Variants in WDR49 observed in about 807,000 individuals in gnomAD.
The protein encoded by WDR49 is cilia- and flagella-associated protein 337.
WDR49 carries 107 observed loss-of-function variants against 119.5 expected under a neutral mutation model. The observed-to-expected ratio is 0.90, with a 90% CI of 0.77 to 1.05. The LOEUF (loss-of-function observed/expected upper bound fraction) is 1.05, where lower values mean the gene tolerates loss of function less well. WDR49 is among the 50% of genes least tolerant of loss of function. The probability of loss-of-function intolerance (pLI) is 0.00; values close to 1 mark genes in which losing one functional copy is unlikely to be tolerated. For missense variants in WDR49, 1,240 were observed against 1,220.5 expected (o/e 1.02, Z -0.24); for synonymous variants, 425 against 418.8 (o/e 1.01, Z -0.18).
intron 8 of WDR49, among the ~76,000 whole-genome samples, chr3:167,564,794 C>G (rs1713494991): frequency 6.6e-6 from 1 of 152,108 alleles, no homozygotes; most frequent in South Asian, 2.1e-4. Flanking sequence ...GCTAATCAGA[C>G]AATTCTAAGA....
At chr3:167,613,894 G>A (rs984807314) in intron 5 of WDR49, among the ~76,000 whole-genome samples, 1 of 150,070 alleles carries the variant, frequency 6.7e-6, no homozygotes, top group Non-Finnish European at 1.5e-5. Flanking sequence ...GCAGTGAGCC[G>A]AGATCATGCC....
chr3:167,607,921 G>A (rs1402422356), intron 5 of WDR49, among the ~76,000 whole-genome samples: 2 of 151,994 alleles, frequency 1.3e-5, no homozygotes, highest in Non-Finnish European at 2.9e-5. Context: ...AAAAGGGAGG[G>A]AGGGAGGAAA....
intron 9 of WDR49, among the ~76,000 whole-genome samples, chr3:167,558,770 G>C (rs927317262): frequency 4.6e-5 from 7 of 152,134 alleles, no homozygotes; most frequent in African/African-American, 1.7e-4. Flanking sequence ...CCTTACCCTA[G>C]ATTCTATACC....
At position 167,541,601 on chromosome 3, in the gene WDR49, C is replaced by G. The variant is rs576140455; in HGVS notation, c.1824-4601G>C. ...AGCAGAACCTCCTTAAAGCACAAAT[C>G]TCACAGAGCCTATGAAACAATAACA... On this transcript the variant is annotated intron_variant, in intron 10 of 18. Coordinates refer to ENST00000682715, the MANE Select transcript of WDR49 (RefSeq NM_001366157.1). Among the ~76,000 whole-genome samples, 4 of 152,192 alleles carry G rather than the reference C, an allele frequency of 2.6e-5. No homozygotes were observed. In the South Asian group the frequency reaches 8.3e-4, roughly 32 times the overall value.
chr3:167,554,094 CACAGA>C (rs1712759561), intron 10 of WDR49, among the ~76,000 whole-genome samples: 1 of 151,730 alleles, frequency 6.6e-6, no homozygotes, highest in Non-Finnish European at 1.5e-5. Context: ...TCTACAGTGC[CACAGA>C]ACTGTTTATG....
chr3:167,497,074 C>T (rs1255507522), intron 18 of WDR49, among the ~76,000 whole-genome samples: 1 of 152,162 alleles, frequency 6.6e-6, no homozygotes, highest in Non-Finnish European at 1.5e-5. Flanking sequence ...CCTACTCATC[C>T]TTTAAGTCCC....
intron 7 of WDR49, among the ~76,000 whole-genome samples, chr3:167,588,704 A>C (rs1339539103): frequency 1.3e-5 from 2 of 152,088 alleles, no homozygotes; most frequent in Non-Finnish European, 2.9e-5. Flanking sequence ...AATATCGAGC[A>C]CCTTTTCATA....
intron 10 of WDR49, among the ~76,000 whole-genome samples, chr3:167,550,216 TC>T (rs1408140448): frequency 1.3e-5 from 2 of 152,160 alleles, no homozygotes; most frequent in African/African-American, 4.8e-5. Flanking sequence ...AGTAGTTTTT[TC>T]CAATTCTGTG....
At chr3:167,535,185 G>T (rs1295878723) in intron 11 of WDR49, among the ~76,000 whole-genome samples, 2 of 152,100 alleles carry the variant, frequency 1.3e-5, no homozygotes, top group Admixed American at 6.6e-5. Context: ...CCAGGCACAG[G>T]AGCTGATGAT....
chr3:167,594,323 T>G (rs1409987290), intron 7 of WDR49, among the ~76,000 whole-genome samples: 2 of 152,188 alleles, frequency 1.3e-5, no homozygotes, highest in African/African-American at 4.8e-5. Context: ...CATGCTGAGG[T>G]GGTCTCAGAT....
At chr3:167,553,579 T>C (rs893453088) in intron 10 of WDR49, among the ~76,000 whole-genome samples, 1 of 152,132 alleles carries the variant, frequency 6.6e-6, no homozygotes, top group African/African-American at 2.4e-5. Context: ...AAACTTAAAT[T>C]GGATCAGCTG....
chr3:167,505,979 G>A (rs1751755221), intron 16 of WDR49, among the ~76,000 whole-genome samples: 1 of 152,134 alleles, frequency 6.6e-6, no homozygotes, highest in South Asian at 2.1e-4. Flanking sequence ...AATCTTGTGA[G>A]AAAATAGAAA....
intron 16 of WDR49, among the ~76,000 whole-genome samples, chr3:167,521,312 C>T (rs771134479): frequency 4.5e-4 from 68 of 152,072 alleles, no homozygotes; most frequent in Non-Finnish European, 8.2e-4. Context: ...ATGCAGAGAT[C>T]CCTCAGTGGG....
At chr3:167,497,666 C>T (rs1751407067) in intron 18 of WDR49, among the ~76,000 whole-genome samples, 1 of 152,112 alleles carries the variant, frequency 6.6e-6, no homozygotes, top group African/African-American at 2.4e-5. Flanking sequence ...TGCTTCTTTC[C>T]TCTCCAGCTT....
At chr3:167,553,988 G>A (rs993454659) in intron 10 of WDR49, among the ~76,000 whole-genome samples, 2 of 152,118 alleles carry the variant, frequency 1.3e-5, no homozygotes, top group African/African-American at 2.4e-5. Context: ...AGTGAATAAC[G>A]TTGGACGACT....
intron 8 of WDR49, chr3:167,575,089 G>A (rs1407477971): frequency 2.0e-6 from 2 of 985,238 alleles, no homozygotes; most frequent in Non-Finnish European, 2.4e-6. Context: ...AGAAAGAATG[G>A]ATTGAGTTAC....
intron 18 of WDR49, among the ~76,000 whole-genome samples, chr3:167,483,048 G>A (rs1750781721): frequency 1.3e-5 from 2 of 152,148 alleles, no homozygotes; most frequent in Non-Finnish European, 2.9e-5. Context: ...GAGAAAACAA[G>A]TTCATTCTAT....
chr3:167,572,891 T>A (rs78186549), intron 8 of WDR49, among the ~76,000 whole-genome samples: 1 of 152,004 alleles, frequency 6.6e-6, no homozygotes, highest in Non-Finnish European at 1.5e-5. Context: ...AGGAGGAGGA[T>A]AAACAACTTT....
chr3:167,559,844 T>G (rs1284370981), intron 9 of WDR49, among the ~76,000 whole-genome samples: 2 of 152,240 alleles, frequency 1.3e-5, no homozygotes, highest in Non-Finnish European at 2.9e-5. Context: ...ATTTTCATTC[T>G]AAATAATTTA....
Sources: allele counts gnomAD v4.1 joint callset (sites outside exome capture counted in the v4.1 genomes callset), GRCh38; gene constraint gnomAD v4.1.1; transcripts MANE v1.5; gene names NCBI Gene and HGNC (gene_info 2026-07-23, HGNC 2026-07-21).